KRT32: variants seen among roughly 807,000 people sequenced by gnomAD.
KRT32 encodes the protein keratin 32.
KRT32 carries 44 observed loss-of-function variants against 41.8 expected under a neutral mutation model. That is an observed-to-expected ratio of 1.05 (90% confidence interval 0.83 to 1.35). The LOEUF (loss-of-function observed/expected upper bound fraction) is 1.35, where lower values mean the gene tolerates loss of function less well. Ranked by LOEUF, KRT32 falls within the 40% of genes most tolerant of loss-of-function variation. The pLI, the probability that KRT32 is intolerant of heterozygous loss-of-function variation, is 0.00. For synonymous variants in KRT32, 238 were observed against 242.5 expected, an observed-to-expected ratio of 0.98 and a Z score of 0.17; for missense variants, 576 against 584.6, an observed-to-expected ratio of 0.99 and a Z score of 0.15.
At position 41,465,826 on chromosome 17, in the gene KRT32, G is replaced by T; in HGVS notation, c.655C>A (p.Gln219Lys). 1 of 1,613,642 alleles carries T rather than the reference G, an allele frequency of 6.2e-7. No individual in the cohort carries two copies. The highest frequency in any genetic ancestry group is 8.5e-7 in the Non-Finnish European group (1 of 1,179,760). ...AGCTCCTCCTTCAGGGACTCAACCT[G>T]GGCCTCCAGGTCAGCCTTGCACAGA... Reference protein sequence around the residue: ...LTLCKADLEAQVESLKEELMC... With the variant: ...LTLCKADLEAKVESLKEELMC... The change falls in exon 3 of 7, where the codon CAG (glutamine) becomes AAG (lysine). Residue 219 changes from glutamine (Q) to lysine (K), a missense_variant. Transcript: ENST00000225899.
At chr17:41,464,824 C>A (rs1228408973) in intron 3 of KRT32, among the ~76,000 whole-genome samples, 2 of 152,240 alleles carry the variant, frequency 1.3e-5, no homozygotes, top group African/African-American at 4.8e-5. Flanking sequence ...CGAGTTAGGG[C>A]AGCTGCCTCC....
rs141134486 is a variant in KRT32, at chr17:41,467,157, G to A, written c.169C>T (p.Arg57Trp). ...GTTTTGGAGAGGCAGCTGGCTGGCCGGAAGGTGGTGGGCAGGCAGACCGAA... is the reference window on the plus strand; with the variant it reads ...GTTTTGGAGAGGCAGCTGGCTGGCCAGAAGGTGGTGGGCAGGCAGACCGAA... ...LPSVCLPTTF[R>W]PASCLSKTYL... The change falls in exon 1 of 7, where the codon CGG becomes TGG. Residue 57 changes from arginine to tryptophan, a missense_variant. Transcript: ENST00000225899. 5.4e-5 allele frequency: 87 copies of A among 1,613,954 alleles called. No individual in the cohort carries two copies. The African/African-American group carries it at 7.1e-4, about 13-fold the overall frequency.
rs201345191 is a variant in KRT32 at position 41,467,204 on chromosome 17, C to T, written c.122G>A (p.Cys41Tyr). Residue 41 changes from cysteine (C) to tyrosine (Y), a missense_variant, in exon 1 of 7, where the codon TGC becomes TAC. Transcript: ENST00000225899. ...CRPELCLGYV[C>Y]QPMACLPSVC... ...CGAAGGCAGGCATGCCATGGGCTGG[C>T]AGACATAGCCCAGGCACAGCTCAGG... The T allele has an allele frequency of 4.3e-6, 7 of 1,613,866 alleles. No homozygotes were observed. The East Asian group carries it at 1.6e-4, about 36-fold the overall frequency.
In KRT32 at chr17:41,467,240, A is replaced by C. The variant is rs753305031; in HGVS notation, c.86T>G (p.Val29Gly). The C allele has an allele frequency of 7.4e-6, 12 of 1,613,788 alleles. No individual in the cohort carries two copies. Among genetic ancestry groups the C allele is most frequent in the Non-Finnish European group, 1.0e-5 (12 of 1,180,032 alleles). Residue 29 changes from valine (V) to glycine (G), a missense_variant, in exon 1 of 7, where the codon GTG becomes GGG. Coordinates refer to ENST00000225899, the MANE Select transcript of KRT32 (RefSeq NM_002278.3). ...PRPASVCSSG[V>G]NCRPELCLGY... is the part of the protein sequence containing the mutation. ...CAGGCACAGCTCAGGCCGGCAGTTC[A>C]CGCCGCTGGAACAGACCGAGGCAGG...
At chr17:41,465,633 A>G in intron 3 of KRT32, 140 bp downstream of exon 3, 1 of 749,928 alleles carries the variant, frequency 1.3e-6, no homozygotes, top group Non-Finnish European at 2.1e-6. Context: ...GAGGCTCAGG[A>G]AGATTCCATA....
chr17:41,466,778 G>T, intron 1 of KRT32, 80 bp downstream of exon 1: 1 of 1,038,710 alleles, frequency 9.6e-7, no homozygotes, highest in South Asian at 1.5e-5. Flanking sequence ...AGCTTAATAA[G>T]CTAACGAGAT....
rs1485021884 is a variant in KRT32, at chr17:41,467,153, G to A, written c.173C>T (p.Pro58Leu). Residue 58 changes from proline to leucine, a missense_variant, in exon 1 of 7, where the codon CCA becomes CTA. Physicochemically the swap from Pro to Leu is moderately conservative, Grantham distance 98. Coordinates refer to ENST00000225899, the MANE Select transcript of KRT32 (RefSeq NM_002278.3). ...ATAGGTTTTGGAGAGGCAGCTGGCT[G>A]GCCGGAAGGTGGTGGGCAGGCAGAC... ...PSVCLPTTFR[P>L]ASCLSKTYLS... The A allele has an allele frequency of 1.9e-6, 3 of 1,614,078 alleles. No individual in the cohort carries two copies. The East Asian group carries it at 6.7e-5, about 36-fold the overall frequency.
In KRT32 at chr17:41,462,908, T is replaced by C. The variant is rs2019020774; in HGVS notation, c.1139A>G (p.Gln380Arg). 1 of 1,613,998 alleles carries C rather than the reference T, an allele frequency of 6.2e-7. No homozygotes were observed. The highest frequency in any genetic ancestry group is 8.5e-7 in the Non-Finnish European group (1 of 1,180,016). The change falls in exon 6 of 7, where the codon CAG (glutamine) becomes CGG (arginine). Residue 380 changes from glutamine (Q) to arginine (R), a missense_variant. Gln to Arg is a conservative substitution (Grantham distance 43). Transcript: ENST00000225899. ...ADLERQNQEYQVLLDVRARLE... is the reference protein window; with the variant it reads ...ADLERQNQEYRVLLDVRARLE... Reference sequence around the variant, plus strand: ...CCGGGCCCGGACGTCCAGCAGCACCTGGTACTCCTGGTTCTGCCGCTCCAG... The same window carrying C: ...CCGGGCCCGGACGTCCAGCAGCACCCGGTACTCCTGGTTCTGCCGCTCCAG...
In KRT32 at chr17:41,467,048, T is replaced by C. The variant is rs764144433; in HGVS notation, c.278A>G (p.Asn93Ser). ...CTGCATGGTTTCCTTCTCATTGCCA[T>C]TGAAGGCCCCTTCGCTGTACCAGCT... ...PGSWYSEGAF[N>S]GNEKETMQFL... The change falls in exon 1 of 7, where the codon AAT becomes AGT. Residue 93 changes from asparagine (N) to serine (S), a missense_variant. Transcript: ENST00000225899. 6.2e-7 allele frequency: 1 copy of C among 1,614,260 alleles called. No individual in the cohort carries two copies. Among genetic ancestry groups the C allele is most frequent in the Non-Finnish European group, 8.5e-7 (1 of 1,180,042 alleles).
chr17:41,463,301 G>T (rs1432798078), intron 5 of KRT32, among the ~76,000 whole-genome samples: 1 of 152,190 alleles, frequency 6.6e-6, no homozygotes, highest in Non-Finnish European at 1.5e-5. Flanking sequence ...ACCTTTGTCT[G>T]CCTTCAGGAT....
intron 6 of KRT32, 68 bp from the exon 7 acceptor site, chr17:41,460,307 T>A: frequency 6.5e-7 from 1 of 1,532,122 alleles, no homozygotes; most frequent in Non-Finnish European, 8.8e-7. Flanking sequence ...GTCCTGCCAA[T>A]TCTCCCCTCG....
In KRT32 at chr17:41,466,922, T is replaced by A; in HGVS notation, c.404A>T (p.Gln135Leu). Residue 135 changes from glutamine (Q) to leucine (L), a missense_variant, in exon 1 of 7, where the codon CAG becomes CTG. Gln to Leu is a moderately radical substitution (Grantham distance 113). Coordinates refer to ENST00000225899, the MANE Select transcript of KRT32 (RefSeq NM_002278.3). Reference sequence around the variant, plus strand: ...GTAGTCAGGAGTCATGGTGAGCACCTGGGAGTGAGAGGCCTCTTGGATCCT... The same window carrying A: ...GTAGTCAGGAGTCATGGTGAGCACCAGGGAGTGAGAGGCCTCTTGGATCCT... ...ESRIQEASHSQVLTMTPDYQS... is the reference protein window; with the variant it reads ...ESRIQEASHSLVLTMTPDYQS... The A allele has an allele frequency of 6.2e-7, 1 of 1,614,236 alleles. No homozygotes were observed. The highest frequency in any genetic ancestry group is 8.5e-7 in the Non-Finnish European group (1 of 1,180,042).
intron 3 of KRT32, among the ~76,000 whole-genome samples, chr17:41,465,249 A>G (rs9894045): frequency 0.097 from 14,691 of 152,044 alleles, 2,356 homozygotes; most frequent in African/African-American, 0.33. Context: ...AAATAAGGAT[A>G]GGGGCAAAAA....
At position 41,460,138 on chromosome 17, in the gene KRT32, C is replaced by T. The variant is rs1296998072; in HGVS notation, c.1319G>A (p.Cys440Tyr). 8.7e-6 allele frequency: 14 copies of T among 1,612,480 alleles called. No individual in the cohort carries two copies. The highest frequency in any genetic ancestry group is 2.2e-5 in the East Asian group (1 of 44,852). ...GTAGCGGCCCTGGGGGCAGGGTGAG[C>T]AAGGCATGCCAACAGTGCGTGGCAC... is the stretch of plus-strand genomic sequence containing the variant. ...VCVPRTVGMPCSPCPQGRY is the reference protein window; with the variant it reads ...VCVPRTVGMPYSPCPQGRY The change falls in exon 7 of 7, where the codon TGC becomes TAC. Residue 440 changes from cysteine (C) to tyrosine (Y), a missense_variant. Physicochemically the swap from Cys to Tyr is radical, Grantham distance 194. Transcript: ENST00000225899.
intron 3 of KRT32, among the ~76,000 whole-genome samples, chr17:41,465,155 C>T (rs971337680): frequency 7.9e-5 from 12 of 152,204 alleles, no homozygotes; most frequent in Middle Eastern, 3.4e-3. Flanking sequence ...GGCTTCCCCT[C>T]CAAGAAACTT....
chr17:41,463,343 C>T (rs141164085), intron 5 of KRT32, among the ~76,000 whole-genome samples: 2 of 152,300 alleles, frequency 1.3e-5, no homozygotes, highest in East Asian at 1.9e-4. Flanking sequence ...ACCTCCCTGC[C>T]GGCATCATTT....
Position 41,463,065 on chromosome 17 carries a change from G to A in KRT32, c.997-15C>T. 6.2e-7 allele frequency: 1 copy of A among 1,600,880 alleles called. No individual in the cohort carries two copies. The highest frequency in any genetic ancestry group is 8.5e-7 in the Non-Finnish European group (1 of 1,170,682). On this transcript the variant is annotated splice_polypyrimidine_tract_variant and intron_variant, in intron 5 of 6. Coordinates refer to ENST00000225899, the MANE Select transcript of KRT32 (RefSeq NM_002278.3). ...AGGGAGTCCCTCTAAGGCAAAGGAA[G>A]ACATAACCATGAGGAAGGGAGCTGT... is the stretch of plus-strand genomic sequence containing the variant.
rs1258188693 is a variant in KRT32, at chr17:41,464,382, G to A, written c.770C>T (p.Pro257Leu). ...CAGCACCCTGGTCAGGTCCACCGGG[G>A]GTGCAGCGTCCACCTCGATGTTAAG... ...DRLNIEVDAA[P>L]PVDLTRVLEE... The change falls in exon 4 of 7, where the codon CCC becomes CTC. Residue 257 changes from proline (P) to leucine (L), a missense_variant. Pro to Leu is a moderately conservative substitution (Grantham distance 98). Transcript: ENST00000225899. 2 of 1,609,720 alleles carry A rather than the reference G, an allele frequency of 1.2e-6. No homozygotes were observed. Among genetic ancestry groups the A allele is most frequent in the Admixed American group, 1.7e-5 (1 of 59,594 alleles).
rs1271123282 is a variant in KRT32 at position 41,465,803 on chromosome 17, C to T, written c.678G>A (p.Glu226=). 2 of 1,613,030 alleles carry T rather than the reference C, an allele frequency of 1.2e-6. No individual in the cohort carries two copies. Among genetic ancestry groups the T allele is most frequent in the East Asian group, 2.2e-5 (1 of 44,852 alleles). ...CATGGTTCTTTTTGAGGCACATCAG[C>T]TCCTCCTTCAGGGACTCAACCTGGG... ...LEAQVESLKE[E]LMCLKKNHEE... Residue 226 remains glutamate, a synonymous_variant, in exon 3 of 7, where the codon GAG becomes GAA. Transcript: ENST00000225899.
Sources: gnomAD v4.1 joint callset for allele counts (sites outside exome capture counted in the v4.1 genomes callset) on GRCh38, gnomAD v4.1.1 for gene constraint, MANE v1.5 for transcripts, NCBI Gene and HGNC (gene_info 2026-07-23, HGNC 2026-07-21) for gene names.